ALKBH7: variants seen among roughly 807,000 people sequenced by gnomAD.
ALKBH7 encodes the protein alkB homolog 7, RNA demethylase, also known as RNA demethylase ALKBH7, mitochondrial.
A neutral mutation model predicts 19.3 loss-of-function variants in ALKBH7; 21 were observed. The observed-to-expected ratio is 1.09, with a 90% CI of 0.77 to 1.56. ALKBH7 has a LOEUF of 1.56. ALKBH7 is among the 40% of genes most tolerant of loss of function. The probability of loss-of-function intolerance (pLI) is 0.00; values close to 1 mark genes in which losing one functional copy is unlikely to be tolerated. For synonymous variants in ALKBH7, 147 were observed against 139.5 expected, an observed-to-expected ratio of 1.05 and a Z score of -0.38; for missense variants, 354 against 311.4, an observed-to-expected ratio of 1.14 and a Z score of -1.03.
At position 6,375,237 on chromosome 19, in the gene ALKBH7, A is replaced by G; in HGVS notation, c.*264A>G. ...TGTCTCTGCATCCAGGTCTCCAATAAATAAGTCAGCCGAGCTCCCCCAGCA... is the reference window on the plus strand; with the variant it reads ...TGTCTCTGCATCCAGGTCTCCAATAGATAAGTCAGCCGAGCTCCCCCAGCA... On this transcript the variant is annotated 3_prime_UTR_variant, in exon 4 of 4. Coordinates refer to ENST00000245812, the MANE Select transcript of ALKBH7 (RefSeq NM_032306.4). 7.2e-7 allele frequency: 1 copy of G among 1,389,204 alleles called. No individual in the cohort carries two copies. Among genetic ancestry groups the G allele is most frequent in the South Asian group, 1.6e-5 (1 of 61,280 alleles). 86.1% of individuals were successfully genotyped at this position (1,389,204 alleles called of 1,614,324 possible). A position where few individuals can be genotyped will look rare whatever the true frequency, so the allele number is the denominator to read the frequency against.
intron 1 of ALKBH7, chr19:6,373,554 T>A: frequency 1.1e-6 from 1 of 912,180 alleles, no homozygotes; most frequent in Non-Finnish European, 1.4e-6. Context: ...TGGGGCGTGG[T>A]CAGGTCGTCG....
intron 1 of ALKBH7, chr19:6,373,948 TG>T: frequency 1.0e-6 from 1 of 984,788 alleles, no homozygotes; most frequent in Non-Finnish European, 1.2e-6. Flanking sequence ...GGGGTCAAGT[TG>T]TAGGGAGATT....
chr19:6,374,745 A>G, intron 3 of ALKBH7, 66 bp from the exon 4 acceptor site: 1 of 1,592,458 alleles, frequency 6.3e-7, no homozygotes, highest in East Asian at 2.2e-5. Flanking sequence ...GGAGGCTGGA[A>G]TCCAGGTCTG....
rs1568326426 is a variant in ALKBH7, at chr19:6,375,026, G to A, written c.*53G>A. On this transcript the variant is annotated 3_prime_UTR_variant, in exon 4 of 4. Transcript: ENST00000245812. ...TGTGAATAAAGTTGGGGAATGGACA[G>A]CCTAACTGGGACATTGCAGTGGCTG... 2.0e-6 allele frequency: 3 copies of A among 1,530,996 alleles called. No individual in the cohort carries two copies. Among genetic ancestry groups the A allele is most frequent in the Admixed American group, 3.9e-5 (2 of 51,512 alleles). The allele number at this position is 1,530,996 out of a possible 1,614,324, so 94.8% of individuals were successfully genotyped here.
rs2091914586 is a variant in ALKBH7 at position 6,374,988 on chromosome 19, C to T, written c.*15C>T. ...CAGCCTGCTGACCCCCAGCTTTCTA[C>T]AGACACCAGATTTGTGAATAAAGTT... is the stretch of plus-strand genomic sequence containing the variant. On this transcript the variant is annotated 3_prime_UTR_variant, in exon 4 of 4. Coordinates refer to ENST00000245812, the MANE Select transcript of ALKBH7 (RefSeq NM_032306.4). The T allele has an allele frequency of 6.3e-7, 1 of 1,577,210 alleles. No homozygotes were observed. The highest frequency in any genetic ancestry group is 1.8e-5 in the Admixed American group (1 of 56,276).
At position 6,372,797 on chromosome 19, in the gene ALKBH7, C is replaced by T; in HGVS notation, c.-24C>T. The T allele has an allele frequency of 6.5e-7, 1 of 1,535,210 alleles. No homozygotes were observed. Among genetic ancestry groups the T allele is most frequent in the South Asian group, 1.2e-5 (1 of 83,824 alleles). On this transcript the variant is annotated 5_prime_UTR_variant, in exon 1 of 4. Transcript: ENST00000245812. The stretch of plus-strand genomic sequence containing the variant: ...CGGGGGCGTTCCCCAACCCTGCCCT[C>T]TCTCATGACCCCGCTCCGGGATTAT...
chr19:6,375,011 G>A lies in ALKBH7; in HGVS notation c.*38G>A, dbSNP rs1349091983. 1 of 1,548,804 alleles carries A rather than the reference G, an allele frequency of 6.5e-7. No individual in the cohort carries two copies. The highest frequency in any genetic ancestry group is 1.9e-5 in the Admixed American group (1 of 52,426). ...TACAGACACCAGATTTGTGAATAAA[G>A]TTGGGGAATGGACAGCCTAACTGGG... On this transcript the variant is annotated 3_prime_UTR_variant, in exon 4 of 4. Transcript: ENST00000245812.
At position 6,374,343 on chromosome 19, in the gene ALKBH7, C is replaced by A. The variant is rs941932846; in HGVS notation, c.345C>A (p.Arg115=). The change falls in exon 2 of 4, where the codon CGC becomes CGA. Residue 115 remains arginine (R), a synonymous_variant. Coordinates refer to ENST00000245812, the MANE Select transcript of ALKBH7 (RefSeq NM_032306.4). ...TGCACGTGCTGGACCTGGAAGCCCG[C>A]GGCTACATCAAGCCCCACGTGGACA... ...SSVHVLDLEA[R]GYIKPHVDSI... The A allele has an allele frequency of 1.2e-6, 2 of 1,610,536 alleles. No individual in the cohort carries two copies. Among genetic ancestry groups the A allele is most frequent in the African/African-American group, 2.7e-5 (2 of 74,944 alleles).
At position 6,372,948 on chromosome 19, in the gene ALKBH7, C is replaced by T; in HGVS notation, c.128C>T (p.Ala43Val). The T allele has an allele frequency of 1.3e-6, 2 of 1,572,724 alleles. No individual in the cohort carries two copies. The highest frequency in any genetic ancestry group is 2.3e-5 in the South Asian group (2 of 86,172). ...AVVRPGFLST[A>V]EEETLSRELE... ...GTGCGGCCTGGCTTCCTGAGCACGG[C>T]AGAGGAGGAGACGCTGAGCCGAGAA... The change falls in exon 1 of 4, where the codon GCA becomes GTA. Residue 43 changes from alanine (A) to valine (V), a missense_variant. By Grantham distance (64) the Ala-to-Val change is moderately conservative. Transcript: ENST00000245812.
chr19:6,374,271 C>T lies in ALKBH7; in HGVS notation c.273C>T (p.Arg91=). The T allele has an allele frequency of 6.2e-7, 1 of 1,613,320 alleles. No individual in the cohort carries two copies. The highest frequency in any genetic ancestry group is 8.5e-7 in the Non-Finnish European group (1 of 1,179,784). ...AAGCCAGCCGGGCCATCCTGCAGCG[C>T]GTGCAGGCGGCCGCCTTTGGCCCCG... is the stretch of plus-strand genomic sequence containing the variant. ...WSEASRAILQ[R]VQAAAFGPGQ... is the part of the protein sequence containing the mutation. Residue 91 remains arginine (R), a synonymous_variant, in exon 2 of 4, where the codon CGC becomes CGT. Coordinates refer to ENST00000245812, the MANE Select transcript of ALKBH7 (RefSeq NM_032306.4).
chr19:6,374,422 A>G (rs749169223), intron 2 of ALKBH7, 43 bp from the exon 3 acceptor site: 29 of 1,605,118 alleles, frequency 1.8e-5, no homozygotes, highest in Non-Finnish European at 2.4e-5. Flanking sequence ...GGGGGTAGGC[A>G]GGCCCGGTTA....
In ALKBH7 at chr19:6,374,826, T is replaced by G; in HGVS notation, c.519T>G (p.Tyr173Ter). The change falls in exon 4 of 4, where the codon TAT (tyrosine) becomes TAG (stop). Residue 173 changes from tyrosine (Y) to a stop codon, truncating the protein, a stop_gained. Coordinates refer to ENST00000245812, the MANE Select transcript of ALKBH7 (RefSeq NM_032306.4). LOFTEE classifies it high-confidence loss of function. ...SLYILRGSAR[Y>*]DFSHEILRDE... ...CTTCCTGCAGGGGCTCAGCCCGTTA[T>G]GACTTCTCCCATGAGATCCTTCGGG... 6.2e-7 allele frequency: 1 copy of G among 1,613,150 alleles called. No individual in the cohort carries two copies. The highest frequency in any genetic ancestry group is 8.5e-7 in the Non-Finnish European group (1 of 1,179,272).
At chr19:6,373,750 A>G (rs1450849614) in intron 1 of ALKBH7, 22 of 1,053,464 alleles carry the variant, frequency 2.1e-5, no homozygotes, top group Non-Finnish European at 2.5e-5. Flanking sequence ...GTCGGTAGCT[A>G]TTGCAGGGAT....
intron 3 of ALKBH7, 108 bp from the exon 4 acceptor site, chr19:6,374,703 C>G: frequency 6.2e-7 from 1 of 1,602,780 alleles, no homozygotes; most frequent in South Asian, 1.1e-5. Flanking sequence ...ACCCCAGGGT[C>G]TGTGTGGGAG....
Position 6,375,078 on chromosome 19 carries a change from A to T in ALKBH7, c.*105A>T, listed in dbSNP as rs545218937. 6.2e-6 allele frequency: 9 copies of T among 1,444,810 alleles called. No homozygotes were observed. In the Admixed American group the frequency reaches 9.7e-5, roughly 16 times the overall value. The allele number at this position is 1,444,810 out of a possible 1,614,324, so 89.5% of individuals were successfully genotyped here. On this transcript the variant is annotated 3_prime_UTR_variant, in exon 4 of 4. Coordinates refer to ENST00000245812, the MANE Select transcript of ALKBH7 (RefSeq NM_032306.4). ...TTGCTGGGGCCGGGATTTGCAGGGG[A>T]ACCCAGGATGGCACTGGCCCATAGG... is the stretch of plus-strand genomic sequence containing the variant.
At chr19:6,374,746 T>G in intron 3 of ALKBH7, 65 bp from the exon 4 acceptor site, 1 of 1,594,878 alleles carries the variant, frequency 6.3e-7, no homozygotes. Flanking sequence ...GAGGCTGGAA[T>G]CCAGGTCTGC....
rs573034500 is a variant in ALKBH7 at position 6,373,543 on chromosome 19, T to C, written c.204+519T>C. The stretch of plus-strand genomic sequence containing the variant: ...GTGCAGAAGAACGTGGCGGCTGGGA[T>C]TGGGGCGTGGTCAGGTCGTCGAGCG... On this transcript the variant is annotated intron_variant, in intron 1 of 3. Coordinates refer to ENST00000245812, the MANE Select transcript of ALKBH7 (RefSeq NM_032306.4). 9 of 780,340 alleles carry C rather than the reference T, an allele frequency of 1.2e-5. No individual in the cohort carries two copies. The East Asian group carries it at 2.6e-4, about 23-fold the overall frequency. 48.3% of individuals were successfully genotyped at this position (780,340 alleles called of 1,614,324 possible).
chr19:6,374,270 G>A lies in ALKBH7; in HGVS notation c.272G>A (p.Arg91His). 2 of 1,613,270 alleles carry A rather than the reference G, an allele frequency of 1.2e-6. No individual in the cohort carries two copies. The highest frequency in any genetic ancestry group is 1.7e-6 in the Non-Finnish European group (2 of 1,179,776). ...WSEASRAILQ[R>H]VQAAAFGPGQ... ...GAAGCCAGCCGGGCCATCCTGCAGCGCGTGCAGGCGGCCGCCTTTGGCCCC... is the reference window on the plus strand; with the variant it reads ...GAAGCCAGCCGGGCCATCCTGCAGCACGTGCAGGCGGCCGCCTTTGGCCCC... The change falls in exon 2 of 4, where the codon CGC becomes CAC. Residue 91 changes from arginine (R) to histidine (H), a missense_variant. Coordinates refer to ENST00000245812, the MANE Select transcript of ALKBH7 (RefSeq NM_032306.4).
chr19:6,374,224 ACAG>A lies in ALKBH7; in HGVS notation c.227_229del (p.Thr76_Glu77delinsLys), dbSNP rs2091908213. On this transcript the variant is annotated inframe_deletion, in exon 2 of 4. Coordinates refer to ENST00000245812, the MANE Select transcript of ALKBH7 (RefSeq NM_032306.4). ...GCAGGCCATCCACGGCTTCCGAGAG[ACAG>A]AGAAGTCGCGCTGGTCAGAAGCCAG... The A allele has an allele frequency of 6.2e-7, 1 of 1,612,950 alleles. No homozygotes were observed. Among genetic ancestry groups the A allele is most frequent in the Non-Finnish European group, 8.5e-7 (1 of 1,179,698 alleles).
Sources: gnomAD v4.1 joint callset for allele counts on GRCh38, gnomAD v4.1.1 for gene constraint, MANE v1.5 for transcripts, NCBI Gene and HGNC (gene_info 2026-07-23, HGNC 2026-07-21) for gene names.